The following GLIS3 variants were observed in gnomAD, a reference collection of about 807,000 sequenced individuals.
GLIS3 encodes the protein GLIS family zinc finger 3.
In GLIS3, 53 loss-of-function variants were observed where a neutral mutation model predicts 78.6. The observed-to-expected ratio is 0.67, with a 90% CI of 0.54 to 0.85. The LOEUF (loss-of-function observed/expected upper bound fraction) is 0.85, where lower values mean the gene tolerates loss of function less well. Ranked by LOEUF, GLIS3 falls within the 40% of genes least tolerant of loss-of-function variation. The pLI, the probability that GLIS3 is intolerant of heterozygous loss-of-function variation, is 0.00. For missense variants in GLIS3, 1,703 were observed against 1,231.1 expected (o/e 1.38, Z -5.74); for synonymous variants, 684 against 509.9 (o/e 1.34, Z -4.60).
chr9:4,454,078 T>C, the GLIS3 span, among the ~76,000 whole-genome samples: 28 of 150,494 alleles, frequency 1.9e-4, no homozygotes, highest in African/African-American at 6.1e-4. Flanking sequence ...TATTGAGGTA[T>C]ATTCCACATC....
rs183621999 is a variant in GLIS3 at position 4,251,285 on chromosome 9, T to C, written c.388+34753A>G. ...TAAGAGCTTGCTTTATGAATCTGGGTCCTCCTGTATTGACTGCATGTATAT... is the reference window on the plus strand; with the variant it reads ...TAAGAGCTTGCTTTATGAATCTGGGCCCTCCTGTATTGACTGCATGTATAT... On this transcript the variant is annotated intron_variant, in intron 2 of 10. Transcript: ENST00000381971. Among the ~76,000 whole-genome samples, 4 of 152,308 alleles carry C rather than the reference T, an allele frequency of 2.6e-5. No individual in the cohort carries two copies. The East Asian group carries it at 5.8e-4, about 22-fold the overall frequency.
chr9:4,432,729 C>A, the GLIS3 span, among the ~76,000 whole-genome samples: 1 of 151,458 alleles, frequency 6.6e-6, no homozygotes, highest in Non-Finnish European at 1.5e-5. Flanking sequence ...TAAACTCCGC[C>A]CCCTGCGCTC....
At chr9:4,258,388 T>C (rs1466170675) in intron 2 of GLIS3, among the ~76,000 whole-genome samples, 1 of 152,222 alleles carries the variant, frequency 6.6e-6, no homozygotes, top group Non-Finnish European at 1.5e-5. Flanking sequence ...TTAGGTCATA[T>C]TGGTGAGTAA....
chr9:4,235,337 G>A (rs1289605545), intron 2 of GLIS3, among the ~76,000 whole-genome samples: 2 of 147,882 alleles, frequency 1.4e-5, no homozygotes, highest in African/African-American at 2.5e-5. Context: ...GAGTCATTGA[G>A]TGGGTAAAGT....
intron 9 of GLIS3, among the ~76,000 whole-genome samples, chr9:3,837,322 A>G (rs897180880): frequency 3.3e-5 from 5 of 152,210 alleles, no homozygotes; most frequent in African/African-American, 1.2e-4. Flanking sequence ...ACTCTCTTTC[A>G]CTGCAAAATG....
At chr9:4,419,660 G>A in the GLIS3 span, among the ~76,000 whole-genome samples, 83 of 151,838 alleles carry the variant, frequency 5.5e-4, no homozygotes, top group East Asian at 7.4e-3. Flanking sequence ...CACGCCTGTA[G>A]TCCCAGCTAC....
At chr9:4,010,144 G>A (rs1267843032) in intron 4 of GLIS3, among the ~76,000 whole-genome samples, 1 of 152,106 alleles carries the variant, frequency 6.6e-6, no homozygotes, top group Non-Finnish European at 1.5e-5. Flanking sequence ...GTGAGGGCAG[G>A]GGTAACAAGA....
chr9:3,845,564 A>G (rs986347872), intron 9 of GLIS3, among the ~76,000 whole-genome samples: 1 of 152,170 alleles, frequency 6.6e-6, no homozygotes, highest in African/African-American at 2.4e-5. Context: ...TTATAATATA[A>G]AAAGTCAGTA....
chr9:4,219,610 G>GA (rs145831479), intron 2 of GLIS3, among the ~76,000 whole-genome samples: 4,281 of 152,204 alleles, frequency 0.028, 202 homozygotes, highest in African/African-American at 0.098. Context: ...ATAGTGAACA[G>GA]AAAGAAAGAT....
the GLIS3 span, among the ~76,000 whole-genome samples, chr9:4,436,035 A>G: frequency 6.0e-3 from 910 of 152,364 alleles, 15 homozygotes; most frequent in African/African-American, 0.021. Flanking sequence ...ATGAAGGATA[A>G]TAGCTGTAAA....
At chr9:3,920,934 T>C (rs1191910976) in intron 6 of GLIS3, among the ~76,000 whole-genome samples, 1 of 152,210 alleles carries the variant, frequency 6.6e-6, no homozygotes, top group Non-Finnish European at 1.5e-5. Context: ...GTCTCCTTTT[T>C]CAAAGCTCAG....
chr9:4,355,366 G>C, the GLIS3 span, among the ~76,000 whole-genome samples: 2 of 152,136 alleles, frequency 1.3e-5, no homozygotes, highest in Non-Finnish European at 2.9e-5. Context: ...AATGCATATA[G>C]AGGGGTAAGC....
At chr9:3,928,878 C>G (rs757185875) in intron 6 of GLIS3, among the ~76,000 whole-genome samples, 13 of 152,214 alleles carry the variant, frequency 8.5e-5, no homozygotes, top group Admixed American at 1.3e-4. Flanking sequence ...CATGTCACCT[C>G]TAACTTCCGG....
At chr9:4,137,570 C>G (rs1226305744) in intron 2 of GLIS3, among the ~76,000 whole-genome samples, 2 of 122,910 alleles carry the variant, frequency 1.6e-5, no homozygotes, top group African/African-American at 6.7e-5. Flanking sequence ...CTCCCCACCA[C>G]TGGGCACTCC....
chr9:3,976,226 T>C (rs1378724466), intron 4 of GLIS3, among the ~76,000 whole-genome samples: 3 of 152,180 alleles, frequency 2.0e-5, no homozygotes, highest in Non-Finnish European at 4.4e-5. Flanking sequence ...AATTTTTTTT[T>C]TCTTTTAATA....
At chr9:4,218,541 G>A (rs374994050) in intron 2 of GLIS3, among the ~76,000 whole-genome samples, 1 of 152,182 alleles carries the variant, frequency 6.6e-6, no homozygotes, top group South Asian at 2.1e-4. Flanking sequence ...GCCTCCCAAA[G>A]TGCTGGGATT....
intron 4 of GLIS3, among the ~76,000 whole-genome samples, chr9:3,938,045 A>G (rs577373970): frequency 1.3e-5 from 2 of 152,328 alleles, no homozygotes; most frequent in South Asian, 2.1e-4. Flanking sequence ...TAATAGGGTC[A>G]AAGTGATTCC....
intron 4 of GLIS3, among the ~76,000 whole-genome samples, chr9:4,089,828 A>C (rs1829343228): frequency 6.6e-6 from 1 of 152,206 alleles, no homozygotes. Context: ...AAACAACAAC[A>C]AAAACCCATA....
chr9:4,332,844 A>T (rs1421688507), intron 2 of GLIS3, among the ~76,000 whole-genome samples: 2 of 152,230 alleles, frequency 1.3e-5, no homozygotes, highest in Non-Finnish European at 2.9e-5. Flanking sequence ...GATACTACAT[A>T]TTCTGAACCT....
Sources: gnomAD v4.1 joint callset for allele counts (sites outside exome capture counted in the v4.1 genomes callset) on GRCh38, gnomAD v4.1.1 for gene constraint, MANE v1.5 for transcripts, NCBI Gene and HGNC (gene_info 2026-07-23, HGNC 2026-07-21) for gene names.